AMPH: variants seen among roughly 807,000 people sequenced by gnomAD.
AMPH encodes the protein amphiphysin (Stiff-Mann syndrome with breast cancer 128kD autoantigen).
Under a neutral mutation model 99.1 loss-of-function variants are expected in AMPH, and 49 were observed. The ratio of observed to expected loss-of-function variants is 0.49; its 90% CI spans 0.39 to 0.63. The LOEUF is 0.63. Among genes scored for constraint, AMPH ranks in the 20% least tolerant of loss-of-function variants. The pLI, the probability that AMPH is intolerant of heterozygous loss-of-function variation, is 0.00. For missense variants in AMPH, 759 were observed against 863.4 expected (o/e 0.88, Z 1.52); for synonymous variants, 314 against 317.3 (o/e 0.99, Z 0.11).
intron 14 of AMPH, 34 bp downstream of exon 14, chr7:38,429,807 CA>C: frequency 3.8e-6 from 6 of 1,594,318 alleles, no homozygotes; most frequent in Non-Finnish European, 5.1e-6. Context: ...TATCAAATAC[CA>C]AAAAAATCCA....
At chr7:38,605,072 T>C (rs917746228) in intron 1 of AMPH, among the ~76,000 whole-genome samples, 5 of 77,106 alleles carry the variant, frequency 6.5e-5, no homozygotes, top group African/African-American at 3.4e-4. Context: ...TTTTCTTCAG[T>C]GAAGTCTGAA....
intron 1 of AMPH, among the ~76,000 whole-genome samples, chr7:38,537,076 A>T (rs918064098): frequency 1.2e-4 from 19 of 152,188 alleles, no homozygotes; most frequent in African/African-American, 4.6e-4. Context: ...CAAGAGTTTA[A>T]CATACTATAA....
intron 1 of AMPH, among the ~76,000 whole-genome samples, chr7:38,571,765 T>G (rs953310214): frequency 3.3e-5 from 5 of 151,928 alleles, no homozygotes; most frequent in Non-Finnish European, 7.4e-5. Flanking sequence ...AAATTTAGCA[T>G]AGCTTAAGTG....
At chr7:38,461,254 G>A in intron 11 of AMPH, 29 bp downstream of exon 11, 1 of 1,611,270 alleles carries the variant, frequency 6.2e-7, no homozygotes, top group Non-Finnish European at 8.5e-7. Context: ...GACTTTCATG[G>A]ACATACCAGC....
intron 2 of AMPH, among the ~76,000 whole-genome samples, chr7:38,533,311 T>A (rs1162526563): frequency 6.6e-6 from 1 of 152,214 alleles, no homozygotes; most frequent in Admixed American, 6.5e-5. Flanking sequence ...CATTTGGCCA[T>A]GATCAATTTT....
intron 3 of AMPH, 141 bp downstream of exon 3, chr7:38,503,509 G>GT: frequency 1.7e-6 from 1 of 591,876 alleles, no homozygotes; most frequent in Admixed American, 3.2e-5. Context: ...GGGGTGGGTG[G>GT]TGGAATGGAA....
At chr7:38,464,212 C>T (rs556934723) in intron 9 of AMPH, 2 of 1,059,274 alleles carry the variant, frequency 1.9e-6, no homozygotes, top group South Asian at 1.3e-5. Flanking sequence ...GAATTTGTCC[C>T]TTTCATTTCC....
intron 1 of AMPH, among the ~76,000 whole-genome samples, chr7:38,617,085 C>G (rs28549342): frequency 0.08 from 12,222 of 152,248 alleles, 813 homozygotes; most frequent in African/African-American, 0.17. Flanking sequence ...ATTTTTGCTA[C>G]TTACTACATG....
Position 38,411,737 on chromosome 7 carries a change from G to C in AMPH, c.1398+6088C>G, listed in dbSNP as rs896012214. Among the ~76,000 whole-genome samples the C allele has an allele frequency of 7.9e-5, 12 of 152,184 alleles. No individual in the cohort carries two copies. In the East Asian group the frequency reaches 2.3e-3, roughly 29 times the overall value. ...GGACTGGGCTTCATATTGGGGTGGG[G>C]CTTTATTATCTCAACAGAGTTGTCT... On this transcript the variant is annotated intron_variant, in intron 17 of 20. Coordinates refer to ENST00000356264, the MANE Select transcript of AMPH (RefSeq NM_001635.4).
intron 17 of AMPH, among the ~76,000 whole-genome samples, chr7:38,411,040 AG>A (rs1785201488): frequency 6.6e-6 from 1 of 152,238 alleles, no homozygotes; most frequent in Non-Finnish European, 1.5e-5. Flanking sequence ...TCTTTTTAAA[AG>A]CATCTGGAGT....
chr7:38,566,435 A>G (rs1228013028), intron 1 of AMPH, among the ~76,000 whole-genome samples: 1 of 152,160 alleles, frequency 6.6e-6, no homozygotes, highest in African/African-American at 2.4e-5. Context: ...ACCTAACACC[A>G]TAAAAACCGT....
chr7:38,508,283 A>G (rs576287100), intron 2 of AMPH, among the ~76,000 whole-genome samples: 39 of 152,296 alleles, frequency 2.6e-4, no homozygotes, highest in African/African-American at 7.9e-4. Flanking sequence ...TGCACAAGAA[A>G]AAACAAACCC....
At chr7:38,517,569 C>T (rs1301323972) in intron 2 of AMPH, among the ~76,000 whole-genome samples, 1 of 152,282 alleles carries the variant, frequency 6.6e-6, no homozygotes, top group Non-Finnish European at 1.5e-5. Context: ...TCAGGTAGTT[C>T]TTTATAGCAG....
At chr7:38,525,817 G>A (rs1333144420) in intron 2 of AMPH, among the ~76,000 whole-genome samples, 2 of 152,102 alleles carry the variant, frequency 1.3e-5, no homozygotes, top group Non-Finnish European at 2.9e-5. Flanking sequence ...CCATAGTATG[G>A]ATATACTACA....
At chr7:38,417,678 T>C in intron 17 of AMPH, 147 bp downstream of exon 17, 1 of 1,031,820 alleles carries the variant, frequency 9.7e-7, no homozygotes, top group Non-Finnish European at 1.4e-6. Context: ...AGAACAGGCA[T>C]GAAGGCTATT....
chr7:38,433,594 G>A (rs529027133), intron 12 of AMPH, among the ~76,000 whole-genome samples: 4 of 131,628 alleles, frequency 3.0e-5, no homozygotes, highest in African/African-American at 8.9e-5. Context: ...GCGTAGTGGC[G>A]GGCGCCTGTA....
At chr7:38,577,180 G>C (rs748131983) in intron 1 of AMPH, among the ~76,000 whole-genome samples, 3 of 152,100 alleles carry the variant, frequency 2.0e-5, no homozygotes, top group Non-Finnish European at 4.4e-5. Flanking sequence ...CTGAACAAAT[G>C]ACATCCAAAA....
At chr7:38,452,503 T>C (rs1298637227) in intron 11 of AMPH, among the ~76,000 whole-genome samples, 1 of 152,236 alleles carries the variant, frequency 6.6e-6, no homozygotes, top group African/African-American at 2.4e-5. Context: ...TAGCTCGACC[T>C]ATAATCTGAT....
chr7:38,410,739 A>T (rs1398958375), intron 17 of AMPH, among the ~76,000 whole-genome samples: 3 of 152,248 alleles, frequency 2.0e-5, no homozygotes, highest in Non-Finnish European at 4.4e-5. Context: ...CCATGCAGTT[A>T]GTTCCCCATA....
Sources: gnomAD v4.1 joint callset for allele counts (sites outside exome capture counted in the v4.1 genomes callset) on GRCh38, gnomAD v4.1.1 for gene constraint, MANE v1.5 for transcripts, NCBI Gene and HGNC (gene_info 2026-07-23, HGNC 2026-07-21) for gene names.